The following ACTN2 variants were observed in gnomAD, a reference collection of about 807,000 sequenced individuals.
The protein encoded by ACTN2 is alpha-actinin-2.
A neutral mutation model predicts 113.8 loss-of-function variants in ACTN2; 39 were observed. That is an observed-to-expected ratio of 0.34 (90% CI 0.27 to 0.45). The LOEUF is 0.45. Among genes scored for constraint, ACTN2 ranks in the 20% least tolerant of loss-of-function variants. The probability of loss-of-function intolerance (pLI) is 1.00; values close to 1 mark genes in which losing one functional copy is unlikely to be tolerated. For missense variants in ACTN2, 992 were observed against 1,177.9 expected (o/e 0.84, Z 2.31); for synonymous variants, 429 against 444.1 (o/e 0.97, Z 0.43).
chr1:236,739,561 C>A (rs777105946), intron 10 of ACTN2, 29 bp downstream of exon 10: 2 of 1,610,104 alleles, frequency 1.2e-6, no homozygotes, highest in African/African-American at 1.3e-5. Flanking sequence ...GCCCTCCTGG[C>A]GCCACGGGAA....
chr1:236,709,153 C>A (rs536231038), intron 1 of ACTN2, among the ~76,000 whole-genome samples: 2 of 146,566 alleles, frequency 1.4e-5, no homozygotes, highest in African/African-American at 5.0e-5. Flanking sequence ...TAGTGTTGGC[C>A]GGCCTCTTTC....
In ACTN2 at chr1:236,757,549, A is replaced by G; in HGVS notation, c.2218A>G (p.Thr740Ala). Residue 740 changes from threonine to alanine, a missense_variant, in exon 18 of 21, where the codon ACT becomes GCT. Thr to Ala is a moderately conservative substitution (Grantham distance 58, BLOSUM62 0). Coordinates refer to ENST00000366578, the MANE Select transcript of ACTN2 (RefSeq NM_001103.4). Reference protein sequence around the residue: ...TIARTINEVETQILTRDAKGI... With the variant: ...TIARTINEVEAQILTRDAKGI... ...CGCCAGAACCATCAATGAGGTGGAG[A>G]CTCAGATCCTGACGAGAGATGCGAA... The G allele has an allele frequency of 3.1e-6, 5 of 1,614,120 alleles. No homozygotes were observed. The highest frequency in any genetic ancestry group is 3.4e-6 in the Non-Finnish European group (4 of 1,180,022).
At chr1:236,723,677 G>C (rs566336257) in intron 4 of ACTN2, among the ~76,000 whole-genome samples, 1 of 152,124 alleles carries the variant, frequency 6.6e-6, no homozygotes, top group South Asian at 2.1e-4. Flanking sequence ...CTTGGGTCTT[G>C]AACTCCTGAC....
chr1:236,709,805 C>T (rs940675417), intron 1 of ACTN2, among the ~76,000 whole-genome samples: 33 of 152,160 alleles, frequency 2.2e-4, no homozygotes, highest in Non-Finnish European at 2.2e-4. Flanking sequence ...CAGTCCTCAG[C>T]AGACTCTGGT....
At chr1:236,732,292 G>A (rs1371539481) in intron 7 of ACTN2, among the ~76,000 whole-genome samples, 1 of 152,118 alleles carries the variant, frequency 6.6e-6, no homozygotes, top group East Asian at 1.9e-4. Flanking sequence ...AAGCCTCTAG[G>A]GGAGGATTCT....
At chr1:236,689,159 C>G (rs1432998509) in intron 1 of ACTN2, among the ~76,000 whole-genome samples, 1 of 151,906 alleles carries the variant, frequency 6.6e-6, no homozygotes, top group Non-Finnish European at 1.5e-5. Flanking sequence ...TCTACCTTCT[C>G]TTTCAAGAGT....
chr1:236,686,826 C>T, intron 1 of ACTN2, 27 bp downstream of exon 1: 1 of 1,450,262 alleles, frequency 6.9e-7, no homozygotes, highest in Non-Finnish European at 9.1e-7. Context: ...GGGCCGCCCG[C>T]GCGTGGTGGG....
At chr1:236,737,494 T>C (rs1328499040) in intron 9 of ACTN2, among the ~76,000 whole-genome samples, 1 of 150,830 alleles carries the variant, frequency 6.6e-6, no homozygotes, top group East Asian at 1.9e-4. Flanking sequence ...TGCGATTCTC[T>C]GCTCAGCTCT....
At chr1:236,709,246 A>G (rs1451039851) in intron 1 of ACTN2, among the ~76,000 whole-genome samples, 11 of 93,658 alleles carry the variant, frequency 1.2e-4, no homozygotes, top group African/African-American at 3.9e-4. Flanking sequence ...ATATATATAT[A>G]TATATATATA....
intron 10 of ACTN2, among the ~76,000 whole-genome samples, chr1:236,742,644 A>G (rs776357435): frequency 1.3e-5 from 2 of 152,350 alleles, no homozygotes; most frequent in East Asian, 1.9e-4. Flanking sequence ...ATCTTTGTCC[A>G]CATCTGGAGA....
intron 1 of ACTN2, among the ~76,000 whole-genome samples, chr1:236,701,545 G>A (rs1371678186): frequency 1.3e-5 from 2 of 152,102 alleles, no homozygotes; most frequent in Non-Finnish European, 2.9e-5. Flanking sequence ...TCTGAAACGG[G>A]GTTGACTGTT....
chr1:236,758,479 C>T (rs1394733192), intron 18 of ACTN2, among the ~76,000 whole-genome samples: 1 of 127,650 alleles, frequency 7.8e-6, no homozygotes, highest in East Asian at 2.4e-4. Flanking sequence ...TCAGTAGAGA[C>T]GGGGTTTCGC....
intron 12 of ACTN2, 52 bp downstream of exon 12, chr1:236,744,828 A>T: frequency 6.2e-7 from 1 of 1,612,698 alleles, no homozygotes. Flanking sequence ...TTCCACAGAG[A>T]GGGGAGAGAA....
chr1:236,761,222 C>T, intron 20 of ACTN2, 49 bp downstream of exon 20: 1 of 1,608,418 alleles, frequency 6.2e-7, no homozygotes, highest in Non-Finnish European at 8.5e-7. Flanking sequence ...CCACTACATC[C>T]TTCTAACAAA....
chr1:236,688,947 C>T (rs752658202), intron 1 of ACTN2, among the ~76,000 whole-genome samples: 22 of 152,256 alleles, frequency 1.4e-4, no homozygotes, highest in South Asian at 8.3e-4. Flanking sequence ...CACATGATGA[C>T]GTCCGTGGCG....
chr1:236,719,959 A>G, intron 3 of ACTN2, 146 bp from the exon 4 acceptor site: 1 of 662,800 alleles, frequency 1.5e-6, no homozygotes, highest in Non-Finnish European at 2.7e-6. Flanking sequence ...AACCAGACAT[A>G]CTGCGGTGCT....
intron 11 of ACTN2, among the ~76,000 whole-genome samples, chr1:236,743,842 G>C (rs938218566): frequency 3.9e-4 from 59 of 152,190 alleles, no homozygotes; most frequent in Admixed American, 3.5e-3. Context: ...CAGGGCTTCA[G>C]TGTCCTCTTC....
At chr1:236,691,023 C>T (rs911962492) in intron 1 of ACTN2, among the ~76,000 whole-genome samples, 1 of 150,768 alleles carries the variant, frequency 6.6e-6, no homozygotes, top group Admixed American at 6.6e-5. Flanking sequence ...CTGCAGTCTC[C>T]GTCTCCCGGG....
intron 1 of ACTN2, among the ~76,000 whole-genome samples, chr1:236,696,456 T>C (rs554794773): frequency 1.8e-4 from 28 of 151,968 alleles, no homozygotes; most frequent in Non-Finnish European, 4.0e-4. Context: ...TCATGTGGAG[T>C]CTTTAAGTTA....
Sources: gnomAD v4.1 joint callset for allele counts (sites outside exome capture counted in the v4.1 genomes callset) on GRCh38, gnomAD v4.1.1 for gene constraint, MANE v1.5 for transcripts, NCBI Gene and HGNC (gene_info 2026-07-23, HGNC 2026-07-21) for gene names.